Variants in CCDC88B observed in about 807,000 individuals in gnomAD.
CCDC88B encodes coiled-coil and HOOK domain protein 88B, also known as coiled-coil domain-containing protein 88B.
CCDC88B carries 138 observed loss-of-function variants against 183.7 expected under a neutral mutation model. The observed-to-expected ratio is 0.75, with a 90% CI of 0.65 to 0.87. CCDC88B has a LOEUF of 0.87. CCDC88B is among the 40% of genes least tolerant of loss of function. The pLI is 0.00. For missense variants in CCDC88B, 1,822 were observed against 1,965.6 expected (o/e 0.93, Z 1.38); for synonymous variants, 835 against 867.5 (o/e 0.96, Z 0.66).
In CCDC88B at chr11:64,340,600, C is replaced by T. The variant is rs1307613874; in HGVS notation, c.61-7C>T. On this transcript the variant is annotated splice_region_variant and splice_polypyrimidine_tract_variant and intron_variant, in intron 1 of 26. Transcript: ENST00000356786. ...CTGGTCGGCTGACCCCTCTGGGCTC[C>T]TCACAGGCGCTGGGACTGGCCGGGC... 1 of 1,606,418 alleles carries T rather than the reference C, an allele frequency of 6.2e-7. No homozygotes were observed. Among genetic ancestry groups the T allele is most frequent in the African/African-American group, 1.3e-5 (1 of 74,782 alleles).
chr11:64,347,651 G>A (rs1330443957), intron 14 of CCDC88B, among the ~76,000 whole-genome samples: 1 of 152,218 alleles, frequency 6.6e-6, no homozygotes, highest in Non-Finnish European at 1.5e-5. Flanking sequence ...TGGCTGAGAT[G>A]CTGTCTAGCC....
chr11:64,343,040 G>A, intron 10 of CCDC88B, 139 bp from the exon 11 acceptor site: 1 of 993,834 alleles, frequency 1.0e-6, no homozygotes, highest in Non-Finnish European at 1.4e-6. Flanking sequence ...GGGAGTGGCG[G>A]GGCCTAGAGA....
rs75470543 is a variant in CCDC88B, at chr11:64,349,090, C to T, written c.2617-241C>T. On this transcript the variant is annotated intron_variant, in intron 14 of 26. Transcript: ENST00000356786. ...GCCCAACATGTGTCACCTACCGACT[C>T]CCAGCCCAGGGGCCTTCCTCATGCC... 40 of 717,324 alleles carry T rather than the reference C, an allele frequency of 5.6e-5. 1 individual carries two copies. The East Asian group carries it at 8.9e-4, about 16-fold the overall frequency. 44.4% of individuals were successfully genotyped at this position (717,324 alleles called of 1,614,324 possible).
Position 64,349,417 on chromosome 11 carries a change from G to A in CCDC88B, c.2703G>A (p.Glu901=). Residue 901 remains glutamate (E), a synonymous_variant, in exon 15 of 27, where the codon GAG becomes GAA. Transcript: ENST00000356786. ...LQRELEQAAL[E]RQEFLREKES... ...GTGAGCTGGAGCAGGCGGCTCTCGA[G>A]CGCCAGGAATTTCTGCGAGAAAAGG... 1 of 1,613,456 alleles carries A rather than the reference G, an allele frequency of 6.2e-7. No homozygotes were observed. The highest frequency in any genetic ancestry group is 8.5e-7 in the Non-Finnish European group (1 of 1,179,884).
In CCDC88B at chr11:64,353,353, A is replaced by G. The variant is rs1264538128; in HGVS notation, c.3690A>G (p.Leu1230=). 7 of 1,613,224 alleles carry G rather than the reference A, an allele frequency of 4.3e-6. No individual in the cohort carries two copies. The South Asian group carries it at 6.6e-5, about 15-fold the overall frequency. ...GAGCCATGGTGCCCCCCTGCCAGCT[A>G]TTGACACAGCTGCGAAGTGCCCAGG... ...SACRLTTQCE[L]LTQLRSAQEE... Residue 1230 remains leucine (L), a splice_region_variant and synonymous_variant, in exon 22 of 27, where the codon CTA becomes CTG. Transcript: ENST00000356786.
rs1289902085 is a variant in CCDC88B at position 64,345,171 on chromosome 11, G to A, written c.2616+14G>A. On this transcript the variant is annotated intron_variant, in intron 14 of 26. Coordinates refer to ENST00000356786, the MANE Select transcript of CCDC88B (RefSeq NM_032251.6). ...GCCCTCCAGGCGGTAGGTCAGGTTG[G>A]GGCTCACCGCTGGGGTTGGGAAGCA... 6.5e-7 allele frequency: 1 copy of A among 1,536,332 alleles called. No homozygotes were observed. The highest frequency in any genetic ancestry group is 8.7e-7 in the Non-Finnish European group (1 of 1,147,508).
Position 64,345,048 on chromosome 11 carries a change from G to A in CCDC88B, c.2507G>A (p.Arg836Gln), listed in dbSNP as rs1461410725. ...RQWEREGSRL[R>Q]AQSEAAEERM... ...TGGGAGCGTGAGGGGTCCAGGCTGC[G>A]GGCCCAGTCGGAGGCCGCCGAGGAA... The change falls in exon 14 of 27, where the codon CGG (arginine) becomes CAG (glutamine). Residue 836 changes from arginine to glutamine, a missense_variant. Physicochemically the swap from Arg to Gln is conservative, Grantham distance 43 (BLOSUM62 1). Coordinates refer to ENST00000356786, the MANE Select transcript of CCDC88B (RefSeq NM_032251.6). 3.2e-6 allele frequency: 5 copies of A among 1,548,708 alleles called. No homozygotes were observed. The highest frequency in any genetic ancestry group is 2.4e-5 in the East Asian group (1 of 41,766).
chr11:64,346,616 G>A (rs374328825), intron 14 of CCDC88B, among the ~76,000 whole-genome samples: 3 of 151,670 alleles, frequency 2.0e-5, no homozygotes, highest in East Asian at 1.9e-4. Context: ...AATTTTTTGT[G>A]TTTTTAGTAG....
chr11:64,342,049 C>A lies in CCDC88B; in HGVS notation c.731C>A (p.Pro244His). Residue 244 changes from proline to histidine, a missense_variant, in exon 8 of 27, where the codon CCC becomes CAC. Pro to His is a moderately conservative substitution (Grantham distance 77). Coordinates refer to ENST00000356786, the MANE Select transcript of CCDC88B (RefSeq NM_032251.6). ...REPLCLRPEA[P>H]SRAPAEGPSH... The stretch of plus-strand genomic sequence containing the variant: ...CCCCTCTGCTTGAGGCCTGAGGCTC[C>A]CTCTAGGGCTCCCGCCGAGGGCCCC... 6.2e-7 allele frequency: 1 copy of A among 1,612,334 alleles called. No individual in the cohort carries two copies.
rs1166190703 is a variant in CCDC88B, at chr11:64,341,164, T to A, written c.374T>A (p.Phe125Tyr). 2 of 1,614,036 alleles carry A rather than the reference T, an allele frequency of 1.2e-6. No homozygotes were observed. Among genetic ancestry groups the A allele is most frequent in the Non-Finnish European group, 1.7e-6 (2 of 1,179,988 alleles). The change falls in exon 4 of 27, where the codon TTT becomes TAT. Residue 125 changes from phenylalanine (F) to tyrosine (Y), a missense_variant. By Grantham distance (22) the Phe-to-Tyr change is conservative (BLOSUM62 3). Transcript: ENST00000356786. ...SPPPDLQTLG[F>Y]DPLSEEAVEQ... Reference sequence around the variant, plus strand: ...CCCCCAGACCTCCAGACATTGGGATTTGACCCTCTCTCAGGTGCTCTCCCC... The same window carrying A: ...CCCCCAGACCTCCAGACATTGGGATATGACCCTCTCTCAGGTGCTCTCCCC...
rs1309808611 is a variant in CCDC88B at position 64,341,309 on chromosome 11, T to C, written c.428T>C (p.Leu143Pro). 6.2e-7 allele frequency: 1 copy of C among 1,614,084 alleles called. No individual in the cohort carries two copies. The highest frequency in any genetic ancestry group is 8.5e-7 in the Non-Finnish European group (1 of 1,180,012). ...VEQLEGVLRLLLGASVQCEHR... is the reference protein window; with the variant it reads ...VEQLEGVLRLPLGASVQCEHR... ...CAGCTGGAAGGCGTTCTTCGGCTACTGTTGGGAGCGTCAGTACAGGTGAGC... is the reference window on the plus strand; with the variant it reads ...CAGCTGGAAGGCGTTCTTCGGCTACCGTTGGGAGCGTCAGTACAGGTGAGC... The change falls in exon 5 of 27, where the codon CTG becomes CCG. Residue 143 changes from leucine (L) to proline (P), a missense_variant. Leu to Pro is a moderately conservative substitution (Grantham distance 98, BLOSUM62 -3). Transcript: ENST00000356786.
chr11:64,351,198 T>G lies in CCDC88B; in HGVS notation c.2901T>G (p.Arg967=). 6.6e-7 allele frequency: 1 copy of G among 1,521,368 alleles called. No homozygotes were observed. The highest frequency in any genetic ancestry group is 8.8e-7 in the Non-Finnish European group (1 of 1,135,642). The allele number at this position is 1,521,368 out of a possible 1,614,324, so 94.2% of individuals were successfully genotyped here. The change falls in exon 17 of 27, where the codon CGT becomes CGG. Residue 967 remains arginine (R), a synonymous_variant. Transcript: ENST00000356786. ...QGPAGLGPKK[R]AEPQLVETQN... ...CCGCGGGGCTGGGGCCCAAAAAGCG[T>G]GCGGAGCCTCAGCTGGTGGAGACCC...
intron 1 of CCDC88B, 38 bp downstream of exon 1, chr11:64,340,364 T>G (rs1336912895): frequency 5.5e-6 from 7 of 1,268,908 alleles, no homozygotes; most frequent in Non-Finnish European, 6.0e-6. Context: ...GGAGGGGAAG[T>G]GAGCCCCAGC....
At position 64,357,217 on chromosome 11, in the gene CCDC88B, C is replaced by T; in HGVS notation, c.*123C>T. On this transcript the variant is annotated 3_prime_UTR_variant, in exon 27 of 27. Coordinates refer to ENST00000356786, the MANE Select transcript of CCDC88B (RefSeq NM_032251.6). ...CAAGGGGAGTCCTTGGACAAGGAGG[C>T]CTGGGCCCTGAGATCCTCCACGGTC... 3 of 1,204,374 alleles carry T rather than the reference C, an allele frequency of 2.5e-6. No individual in the cohort carries two copies. Among genetic ancestry groups the T allele is most frequent in the Admixed American group, 3.5e-5 (2 of 56,782 alleles). The allele number at this position is 1,204,374 out of a possible 1,614,324, so 74.6% of individuals were successfully genotyped here.
rs1482635768 is a variant in CCDC88B at position 64,344,674 on chromosome 11, G to A, written c.2133G>A (p.Trp711Ter). 6.2e-7 allele frequency: 1 copy of A among 1,614,140 alleles called. No homozygotes were observed. Among genetic ancestry groups the A allele is most frequent in the East Asian group, 2.2e-5 (1 of 44,876 alleles). Reference protein sequence around the residue: ...KSEGALEVQVWEGPIPGESLA... With the variant: ...KSEGALEVQV ...AAGGGGCTCTTGAGGTCCAGGTCTG[G>A]GAAGGCCCAATCCCAGGGGAGAGCC... The change falls in exon 14 of 27, where the codon TGG becomes TGA. Residue 711 changes from tryptophan to a stop codon, truncating the protein, a stop_gained. Coordinates refer to ENST00000356786, the MANE Select transcript of CCDC88B (RefSeq NM_032251.6). LOFTEE classifies it high-confidence loss of function. The surrounding 1 kb of genome is among the most constrained non-coding windows in gnomAD (Gnocchi z 4.5).
chr11:64,340,581 G>C (rs775115118), intron 1 of CCDC88B, 26 bp from the exon 2 acceptor site: 5 of 1,598,230 alleles, frequency 3.1e-6, no homozygotes, highest in Non-Finnish European at 3.4e-6. Flanking sequence ...TCTGCTGGTC[G>C]GCTGACCCCT....
At chr11:64,340,858 G>C (rs2035810896) in intron 2 of CCDC88B, 49 bp from the exon 3 acceptor site, 1 of 1,535,202 alleles carries the variant, frequency 6.5e-7, no homozygotes, top group African/African-American at 1.4e-5. Context: ...GACGGTGGGC[G>C]AGGCCTGTTG....
Position 64,351,481 on chromosome 11 carries a change from G to C in CCDC88B, c.2964G>C (p.Ala988=), listed in dbSNP as rs138291357. 9 of 1,587,352 alleles carry C rather than the reference G, an allele frequency of 5.7e-6. No individual in the cohort carries two copies. The highest frequency in any genetic ancestry group is 7.7e-6 in the Non-Finnish European group (9 of 1,174,036). The change falls in exon 18 of 27, where the codon GCG becomes GCC. Residue 988 remains alanine (A), a synonymous_variant. Coordinates refer to ENST00000356786, the MANE Select transcript of CCDC88B (RefSeq NM_032251.6). ...TAACCCCCACTTCTGGGCAGAATGC[G>C]ATGCTGGTGGCAGAGAAGGCAGCTT... The part of the protein sequence containing the change: ...VRLIEVERSN[A]MLVAEKAALQ...
At chr11:64,355,463 T>C in intron 25 of CCDC88B, 63 bp downstream of exon 25, 1 of 1,583,794 alleles carries the variant, frequency 6.3e-7, no homozygotes, top group Non-Finnish European at 8.6e-7. Context: ...ACCAGCTCCT[T>C]GGGGGAGGAG....
Sources: allele counts gnomAD v4.1 joint callset (sites outside exome capture counted in the v4.1 genomes callset), GRCh38; gene constraint gnomAD v4.1.1; non-coding constraint Gnocchi (gnomAD v3.1); transcripts MANE v1.5; gene names NCBI Gene and HGNC (gene_info 2026-07-23, HGNC 2026-07-21).